FBXO25: variants seen among roughly 807,000 people sequenced by gnomAD.
FBXO25 encodes the protein F-box only protein 25.
In FBXO25, 45 loss-of-function variants were observed where a neutral mutation model predicts 51.9. The ratio of observed to expected loss-of-function variants is 0.87; its 90% CI spans 0.68 to 1.11. The LOEUF is 1.11. FBXO25 is among the 50% of genes most tolerant of loss of function. The probability of loss-of-function intolerance (pLI) is 0.00; values close to 1 mark genes in which losing one functional copy is unlikely to be tolerated. For missense variants in FBXO25, 507 were observed against 428.5 expected (o/e 1.18, Z -1.62); for synonymous variants, 199 against 151.0 (o/e 1.32, Z -2.33).
At chr8:417,457 C>G (rs1796877580) in intron 2 of FBXO25, among the ~76,000 whole-genome samples, 1 of 152,198 alleles carries the variant, frequency 6.6e-6, no homozygotes, top group Non-Finnish European at 1.5e-5. Context: ...GCAGGTGGAA[C>G]TGACACATGG....
rs1800383902 is a variant in FBXO25, at chr8:469,104, C to G, written c.*300C>G. ...TCAAAAATACTTTAGGTGGTCAGCT[C>G]CACATTCTTTGTTGACGTGACACTA... On this transcript the variant is annotated 3_prime_UTR_variant, in exon 10 of 10. Transcript: ENST00000350302. The G allele has an allele frequency of 3.5e-6, 1 of 284,974 alleles. No homozygotes were observed. Among genetic ancestry groups the G allele is most frequent in the Admixed American group, 5.1e-5 (1 of 19,640 alleles). 17.7% of individuals were successfully genotyped at this position (284,974 alleles called of 1,614,324 possible).
chr8:430,356 T>G (rs1402886281), intron 2 of FBXO25, among the ~76,000 whole-genome samples: 2 of 152,236 alleles, frequency 1.3e-5, no homozygotes, highest in African/African-American at 2.4e-5. Flanking sequence ...TCAAATGTGC[T>G]TTGCTTGTCT....
At chr8:468,336 A>T in intron 9 of FBXO25, 5 of 911,314 alleles carry the variant, frequency 5.5e-6, no homozygotes, top group Non-Finnish European at 6.6e-6. Flanking sequence ...CAGGAACAGG[A>T]GGACAGGACA....
rs1398899568 is a variant in FBXO25, at chr8:475,251, T to A, written c.*6447T>A. Reference sequence around the variant, plus strand: ...GCACCATCAAAAATCATTTGACCCATATGTGCAAGGGTTTATTTGGGGATT... The same window carrying A: ...GCACCATCAAAAATCATTTGACCCAAATGTGCAAGGGTTTATTTGGGGATT... On this transcript the variant is annotated 3_prime_UTR_variant, in exon 10 of 10. Coordinates refer to ENST00000350302, the MANE Select transcript of FBXO25 (RefSeq NM_183420.2). 1 of 268,270 alleles carries A rather than the reference T, an allele frequency of 3.7e-6. No homozygotes were observed. The highest frequency in any genetic ancestry group is 7.1e-6 in the Non-Finnish European group (1 of 139,946). The allele number at this position is 268,270 out of a possible 1,614,324, so 16.6% of individuals were successfully genotyped here. A position where few individuals can be genotyped will look rare whatever the true frequency, so the allele number is the denominator to read the frequency against.
chr8:416,942 G>C (rs1313116529), intron 2 of FBXO25, among the ~76,000 whole-genome samples: 5 of 152,212 alleles, frequency 3.3e-5, no homozygotes, highest in African/African-American at 1.2e-4. Flanking sequence ...GGTAGAGGAA[G>C]ATCTATAGAG....
chr8:449,396 A>G (rs1349506467), intron 5 of FBXO25, among the ~76,000 whole-genome samples: 1 of 152,210 alleles, frequency 6.6e-6, no homozygotes, highest in African/African-American at 2.4e-5. Context: ...TGTCACAGGG[A>G]TTTGTTACTG....
At chr8:425,974 G>T (rs1405081949) in intron 2 of FBXO25, among the ~76,000 whole-genome samples, 3 of 149,082 alleles carry the variant, frequency 2.0e-5, no homozygotes, top group African/African-American at 7.5e-5. Context: ...CACAGTACCT[G>T]ATACTGCAGT....
In FBXO25 at chr8:477,849, A is replaced by C. The variant is rs952444901; in HGVS notation, c.*9045A>C. On this transcript the variant is annotated 3_prime_UTR_variant, in exon 10 of 10. Coordinates refer to ENST00000350302, the MANE Select transcript of FBXO25 (RefSeq NM_183420.2). Reference sequence around the variant, plus strand: ...ATTTAAAAATGTAAAAATCATTCTTAACATTTGGGCTGTGCAAAAACAGCT... The same window carrying C: ...ATTTAAAAATGTAAAAATCATTCTTCACATTTGGGCTGTGCAAAAACAGCT... The C allele has an allele frequency of 6.6e-6, 1 of 152,208 alleles. No homozygotes were observed. The highest frequency in any genetic ancestry group is 2.4e-5 in the African/African-American group (1 of 41,468). The allele number at this position is 152,208 out of a possible 1,614,324, so 9.4% of individuals were successfully genotyped here.
intron 9 of FBXO25, chr8:467,808 C>G: frequency 1.2e-6 from 2 of 1,602,086 alleles, no homozygotes; most frequent in Non-Finnish European, 1.7e-6. Context: ...CGTGCTGCAT[C>G]TCATGCACGT....
chr8:455,932 A>G (rs767317685), intron 7 of FBXO25, among the ~76,000 whole-genome samples: 23 of 152,236 alleles, frequency 1.5e-4, no homozygotes, highest in Non-Finnish European at 2.6e-4. Flanking sequence ...CAGGGATGTA[A>G]AACTGGACTC....
chr8:456,960 T>C (rs1799479609), intron 7 of FBXO25, among the ~76,000 whole-genome samples: 1 of 152,176 alleles, frequency 6.6e-6, no homozygotes, highest in Non-Finnish European at 1.5e-5. Context: ...GGTCAGGTGA[T>C]TTTGAGAACC....
At chr8:425,008 G>T (rs1797384194) in intron 2 of FBXO25, among the ~76,000 whole-genome samples, 1 of 152,092 alleles carries the variant, frequency 6.6e-6, no homozygotes, top group Non-Finnish European at 1.5e-5. Flanking sequence ...TTACTGCAAA[G>T]AGTTTTATAA....
At chr8:453,127 C>T (rs147408138) in intron 7 of FBXO25, among the ~76,000 whole-genome samples, 4 of 152,276 alleles carry the variant, frequency 2.6e-5, no homozygotes, top group African/African-American at 9.6e-5. Context: ...ATAGGTGTTA[C>T]TGTAGTGCCA....
chr8:458,646 C>A, intron 8 of FBXO25, 95 bp downstream of exon 8: 1 of 1,197,808 alleles, frequency 8.3e-7, no homozygotes, highest in Non-Finnish European at 1.2e-6. Flanking sequence ...GAAAGAATGG[C>A]TGAGTATTTT....
At chr8:439,281 G>A (rs1798281823) in intron 5 of FBXO25, among the ~76,000 whole-genome samples, 6 of 152,216 alleles carry the variant, frequency 3.9e-5, no homozygotes, top group Admixed American at 2.6e-4. Flanking sequence ...CTGACAGCCA[G>A]GCACGAACAG....
intron 3 of FBXO25, among the ~76,000 whole-genome samples, chr8:432,249 C>T (rs1012310490): frequency 2.0e-5 from 3 of 151,836 alleles, no homozygotes; most frequent in Non-Finnish European, 4.4e-5. Flanking sequence ...GTAGGACTCG[C>T]TTGACAAAGG....
chr8:431,297 A>G (rs1797807163), intron 2 of FBXO25, 44 bp from the exon 3 acceptor site: 1 of 1,051,186 alleles, frequency 9.5e-7, no homozygotes, highest in Admixed American at 2.6e-5. Context: ...CCAAATGAAG[A>G]TCTCCCTGAA....
chr8:409,978 CTG>C (rs1796391489), intron 1 of FBXO25, among the ~76,000 whole-genome samples: 1 of 152,102 alleles, frequency 6.6e-6, no homozygotes, highest in Non-Finnish European at 1.5e-5. Context: ...TTTTCTCAAA[CTG>C]TGGCACACAT....
At chr8:454,766 C>T (rs996052968) in intron 7 of FBXO25, among the ~76,000 whole-genome samples, 2 of 151,970 alleles carry the variant, frequency 1.3e-5, no homozygotes, top group Non-Finnish European at 2.9e-5. Flanking sequence ...TGGGACGTGC[C>T]TGTGGTCCCA....
Sources: allele counts gnomAD v4.1 joint callset (sites outside exome capture counted in the v4.1 genomes callset), GRCh38; gene constraint gnomAD v4.1.1; transcripts MANE v1.5; gene names NCBI Gene and HGNC (gene_info 2026-07-23, HGNC 2026-07-21).